Variants in TFPI observed in about 807,000 individuals in gnomAD.
TFPI encodes the protein anti-convertin.
In TFPI, 15 loss-of-function variants were observed where a neutral mutation model predicts 34.6. The observed-to-expected ratio is 0.43, with a 90% CI of 0.29 to 0.67. The LOEUF is 0.67. TFPI is among the 30% of genes least tolerant of loss of function. The probability of loss-of-function intolerance (pLI) is 0.15; values close to 1 mark genes in which losing one functional copy is unlikely to be tolerated. For missense variants in TFPI, 301 were observed against 364.0 expected, an observed-to-expected ratio of 0.83 and a Z score of 1.41; for synonymous variants, 105 against 120.1, an observed-to-expected ratio of 0.87 and a Z score of 0.82.
chr2:187,510,950 C>T (rs575733312), intron 1 of TFPI, among the ~76,000 whole-genome samples: 1 of 152,280 alleles, frequency 6.6e-6, no homozygotes, highest in East Asian at 1.9e-4. Context: ...TGTTCTGCTA[C>T]ATTTCTTGGT....
At chr2:187,523,417 C>T (rs367957548) in intron 1 of TFPI, among the ~76,000 whole-genome samples, 4 of 152,058 alleles carry the variant, frequency 2.6e-5, no homozygotes, top group African/African-American at 9.7e-5. Context: ...GTGTGCAGTT[C>T]CTTTTACCTT....
intron 4 of TFPI, among the ~76,000 whole-genome samples, chr2:187,485,987 A>G (rs542935476): frequency 2.5e-4 from 38 of 151,878 alleles, no homozygotes; most frequent in African/African-American, 9.2e-4. Flanking sequence ...CATGTATTTA[A>G]TAATGTTAAT....
chr2:187,504,517 G>A (rs1265283592), intron 1 of TFPI, among the ~76,000 whole-genome samples: 1 of 150,850 alleles, frequency 6.6e-6, no homozygotes, highest in Non-Finnish European at 1.5e-5. Context: ...CAATAGGAGA[G>A]TGAGACTTTT....
At chr2:187,475,648 C>T (rs887490004) in intron 6 of TFPI, among the ~76,000 whole-genome samples, 11 of 151,690 alleles carry the variant, frequency 7.3e-5, no homozygotes, top group African/African-American at 2.2e-4. Context: ...TGAAGCCAAG[C>T]GAAATTTTGT....
intron 1 of TFPI, among the ~76,000 whole-genome samples, chr2:187,522,839 C>T (rs962972769): frequency 2.0e-5 from 3 of 150,942 alleles, no homozygotes; most frequent in Non-Finnish European, 2.9e-5. Context: ...TGCAGTGAGC[C>T]GAGATCGTGC....
chr2:187,531,331 A>C (rs1244181235), intron 1 of TFPI, among the ~76,000 whole-genome samples: 2 of 152,204 alleles, frequency 1.3e-5, no homozygotes, highest in Non-Finnish European at 2.9e-5. Context: ...TGTGCTTTCA[A>C]GGTCTTATTA....
At chr2:187,534,113 A>C (rs1688118496) in intron 1 of TFPI, among the ~76,000 whole-genome samples, 1 of 152,214 alleles carries the variant, frequency 6.6e-6, no homozygotes, top group African/African-American at 2.4e-5. Context: ...TGAAAGTGAC[A>C]GGGAGAATGG....
At chr2:187,517,110 T>C (rs1262746368) in intron 1 of TFPI, 1 of 152,178 alleles carries the variant, frequency 6.6e-6, no homozygotes, top group African/African-American at 2.4e-5. Context: ...TACTAAGTAA[T>C]CTTTTATTGA....
chr2:187,509,886 TCC>T (rs2106153039), intron 1 of TFPI, among the ~76,000 whole-genome samples: 1 of 152,314 alleles, frequency 6.6e-6, no homozygotes. Context: ...TGTTCCCTAC[TCC>T]CAAAGCCAAA....
chr2:187,531,607 A>G (rs1687961023), intron 1 of TFPI, among the ~76,000 whole-genome samples: 1 of 152,084 alleles, frequency 6.6e-6, no homozygotes, highest in Non-Finnish European at 1.5e-5. Flanking sequence ...TGATAATCGT[A>G]CAAGTTCTAT....
chr2:187,524,090 T>C (rs1014826100), intron 1 of TFPI, among the ~76,000 whole-genome samples: 2 of 152,132 alleles, frequency 1.3e-5, no homozygotes, highest in African/African-American at 4.8e-5. Flanking sequence ...GATTGCTTTC[T>C]TTTTATTGCT....
chr2:187,467,463 C>A (rs3771061), intron 7 of TFPI, among the ~76,000 whole-genome samples: 36,357 of 151,820 alleles, frequency 0.24, 5,011 homozygotes, highest in Middle Eastern at 0.33. Flanking sequence ...TACAAGAAAG[C>A]TTAAAACAAT....
intron 3 of TFPI, among the ~76,000 whole-genome samples, chr2:187,492,218 A>G (rs1400525516): frequency 2.0e-5 from 3 of 152,142 alleles, no homozygotes; most frequent in East Asian, 1.9e-4. Context: ...ATCAACTTCA[A>G]TTTAACTCTC....
chr2:187,478,849 T>C, intron 6 of TFPI: 1 of 1,501,460 alleles, frequency 6.7e-7, no homozygotes, highest in Non-Finnish European at 9.2e-7. Context: ...GTCATCTTTA[T>C]ATGTTTAACA....
At chr2:187,545,082 G>T (rs768901686) in intron 1 of TFPI, among the ~76,000 whole-genome samples, 1 of 152,168 alleles carries the variant, frequency 6.6e-6, no homozygotes, top group Non-Finnish European at 1.5e-5. Flanking sequence ...CTGCGCTCCA[G>T]CCTGGGTGAC....
rs1198835106 is a variant in TFPI, at chr2:187,491,303, G to A, written c.320-2928C>T. On this transcript the variant is annotated intron_variant, in intron 3 of 7. Transcript: ENST00000233156. ...TTAGTGTAACCATAACCCAAATAGT[G>A]TCCATTGTACCCATTAGATAGTTTC... 2.0e-5 allele frequency among the ~76,000 whole-genome samples: 3 copies of A among 151,858 alleles called. No individual in the cohort carries two copies. In the South Asian group the frequency reaches 6.2e-4, roughly 32 times the overall value.
At chr2:187,468,083 A>G (rs1333931725) in intron 6 of TFPI, 151 bp from the exon 7 acceptor site, 1 of 601,026 alleles carries the variant, frequency 1.7e-6, no homozygotes. Context: ...GTGCATTTCA[A>G]TTCTAGGAAA....
intron 1 of TFPI, among the ~76,000 whole-genome samples, chr2:187,528,388 TGAAAG>T (rs913514748): frequency 7.9e-5 from 12 of 152,138 alleles, no homozygotes; most frequent in African/African-American, 2.9e-4. Context: ...CCTTCAAACT[TGAAAG>T]GAAATACAAA....
At chr2:187,486,540 C>T (rs1163770597) in intron 4 of TFPI, among the ~76,000 whole-genome samples, 1 of 151,542 alleles carries the variant, frequency 6.6e-6, no homozygotes, top group African/African-American at 2.4e-5. Context: ...AACTGTACAA[C>T]TGAAAGTTGT....
Sources: gnomAD v4.1 joint callset for allele counts (sites outside exome capture counted in the v4.1 genomes callset) on GRCh38, gnomAD v4.1.1 for gene constraint, MANE v1.5 for transcripts, NCBI Gene and HGNC (gene_info 2026-07-23, HGNC 2026-07-21) for gene names.